The following ARPP21 variants were observed in gnomAD, a reference collection of about 807,000 sequenced individuals.
ARPP21 encodes the protein cAMP regulated phosphoprotein 21.
A neutral mutation model predicts 113.2 loss-of-function variants in ARPP21; 69 were observed. The ratio of observed to expected loss-of-function variants is 0.61; its 90% CI spans 0.50 to 0.74. The LOEUF is 0.74. Among genes scored for constraint, ARPP21 ranks in the 30% least tolerant of loss-of-function variants. The probability of loss-of-function intolerance (pLI) is 0.00; values close to 1 mark genes in which losing one functional copy is unlikely to be tolerated. For synonymous variants in ARPP21, 368 were observed against 375.5 expected, an observed-to-expected ratio of 0.98 and a Z score of 0.23; for missense variants, 1,070 against 1,037.4, an observed-to-expected ratio of 1.03 and a Z score of -0.43.
At chr3:35,736,921 T>G (rs2094390155) in intron 15 of ARPP21, among the ~76,000 whole-genome samples, 1 of 152,212 alleles carries the variant, frequency 6.6e-6, no homozygotes, top group Non-Finnish European at 1.5e-5. Context: ...CAGATACATT[T>G]AGCTTTGGCA....
intron 1 of ARPP21, among the ~76,000 whole-genome samples, chr3:35,678,525 A>G (rs1038880581): frequency 6.6e-6 from 1 of 151,966 alleles, no homozygotes; most frequent in Non-Finnish European, 1.5e-5. Context: ...TCCTAAATGC[A>G]TGTCTAGCTC....
rs547625607 is a variant in ARPP21, at chr3:35,746,477, A to G, written c.2137+2512A>G. ...TAACTGTATAAGTTATATTTTCTGG[A>G]AGAACTAGAAAATAAGACTTCTCCA... is the stretch of plus-strand genomic sequence containing the variant. On this transcript the variant is annotated intron_variant, in intron 19 of 20. Coordinates refer to ENST00000684406, the MANE Select transcript of ARPP21 (RefSeq NM_001385562.1). Among the ~76,000 whole-genome samples, 22 of 152,292 alleles carry G rather than the reference A, an allele frequency of 1.4e-4. No individual in the cohort carries two copies. The South Asian group carries it at 4.6e-3, about 32-fold the overall frequency.
At chr3:35,676,208 G>T (rs1369535636) in intron 1 of ARPP21, among the ~76,000 whole-genome samples, 1 of 151,882 alleles carries the variant, frequency 6.6e-6, no homozygotes, top group Non-Finnish European at 1.5e-5. Context: ...ATTGACAACA[G>T]ACTTTCCTTA....
At chr3:35,641,522 T>G (rs1698081083) in intron 1 of ARPP21, 1 of 140,418 alleles carries the variant, frequency 7.1e-6, no homozygotes, top group Non-Finnish European at 1.6e-5. Flanking sequence ...TATCTTAAGA[T>G]TTTAGTTAAT....
At chr3:35,762,259 G>A (rs934150823) in intron 19 of ARPP21, among the ~76,000 whole-genome samples, 2 of 151,940 alleles carry the variant, frequency 1.3e-5, no homozygotes, top group African/African-American at 4.8e-5. Context: ...GAGATATTCT[G>A]TGGTAAAAAT....
At chr3:35,750,494 A>T (rs1054645640) in intron 19 of ARPP21, among the ~76,000 whole-genome samples, 1 of 152,144 alleles carries the variant, frequency 6.6e-6, no homozygotes, top group Non-Finnish European at 1.5e-5. Flanking sequence ...GAAATAGCCT[A>T]TTTAGTTGAA....
At chr3:35,680,347 T>C (rs2149444645) in intron 2 of ARPP21, among the ~76,000 whole-genome samples, 1 of 152,018 alleles carries the variant, frequency 6.6e-6, no homozygotes, top group Middle Eastern at 3.4e-3. Flanking sequence ...AAAACCTGAA[T>C]GCATTGCTTA....
chr3:35,648,251 T>G (rs1375983963), intron 1 of ARPP21, among the ~76,000 whole-genome samples: 1 of 152,196 alleles, frequency 6.6e-6, no homozygotes, highest in Non-Finnish European at 1.5e-5. Flanking sequence ...CTAATTCAGT[T>G]GTCTAAAATG....
intron 5 of ARPP21, chr3:35,685,373 TGAG>T (rs2080245638): frequency 1.0e-6 from 1 of 985,204 alleles, no homozygotes. Flanking sequence ...TTGGATTGGC[TGAG>T]GAGTGGTGGG....
chr3:35,659,055 A>T (rs1334192689), intron 1 of ARPP21, among the ~76,000 whole-genome samples: 1 of 152,270 alleles, frequency 6.6e-6, no homozygotes, highest in African/African-American at 2.4e-5. Flanking sequence ...CACAGCGGGA[A>T]CCCCACACAG....
At chr3:35,702,129 C>T (rs376869276) in intron 9 of ARPP21, among the ~76,000 whole-genome samples, 31 of 151,514 alleles carry the variant, frequency 2.0e-4, no homozygotes, top group African/African-American at 5.3e-4. Context: ...TCTGTTATCC[C>T]GCCATCAGAC....
chr3:35,684,177 G>A, intron 5 of ARPP21: 2 of 1,371,916 alleles, frequency 1.5e-6, no homozygotes, highest in Non-Finnish European at 1.9e-6. Context: ...TTCCTTGTTG[G>A]AGATGTCTTA....
chr3:35,783,431 A>G (rs534008308), intron 19 of ARPP21, among the ~76,000 whole-genome samples: 2 of 150,822 alleles, frequency 1.3e-5, no homozygotes, highest in South Asian at 4.2e-4. Flanking sequence ...TTTTTTTTTA[A>G]TTTCTTTCAC....
intron 9 of ARPP21, among the ~76,000 whole-genome samples, chr3:35,701,066 T>C (rs976181855): frequency 1.3e-5 from 2 of 151,654 alleles, no homozygotes; most frequent in Non-Finnish European, 2.9e-5. Flanking sequence ...TAAATCTTAA[T>C]CATGATTGAG....
At chr3:35,658,090 T>C (rs1208839670) in intron 1 of ARPP21, among the ~76,000 whole-genome samples, 2 of 152,128 alleles carry the variant, frequency 1.3e-5, no homozygotes, top group Non-Finnish European at 2.9e-5. Flanking sequence ...AGTTTTTACA[T>C]GGTTTGGCAT....
rs183905082 is a variant in ARPP21 at position 35,690,792 on chromosome 3, G to A, written c.546-73G>A. The A allele has an allele frequency of 3.8e-4, 524 of 1,383,096 alleles. 2 individuals carry two copies. In the African/African-American group the frequency reaches 7.0e-3, roughly 18 times the overall value. The allele number at this position is 1,383,096 out of a possible 1,614,324, so 85.7% of individuals were successfully genotyped here. A position where few individuals can be genotyped will look rare whatever the true frequency, so the allele number is the denominator to read the frequency against. On this transcript the variant is annotated intron_variant, in intron 8 of 20. Transcript: ENST00000684406. ...AGATGAAGAAGAAATAGTTTTGTGT[G>A]TATACTTGTAAAAAGGTATTATGGG...
chr3:35,639,217 G>C (rs1314117910), upstream of ARPP21, among the ~76,000 whole-genome samples: 2 of 152,110 alleles, frequency 1.3e-5, no homozygotes, highest in Non-Finnish European at 2.9e-5. This position sits in a 1 kb window ranked among gnomAD's most constrained non-coding sequence, Gnocchi z 5.0. Context: ...AACGGCCCAG[G>C]GAATGAGTGG....
At position 35,739,375 on chromosome 3, in the gene ARPP21, A is replaced by C; in HGVS notation, c.1808A>C (p.Glu603Ala). 1 of 1,613,934 alleles carries C rather than the reference A, an allele frequency of 6.2e-7. No homozygotes were observed. The highest frequency in any genetic ancestry group is 8.5e-7 in the Non-Finnish European group (1 of 1,179,988). Residue 603 changes from glutamate (E) to alanine (A), a missense_variant, in exon 18 of 21, where the codon GAG becomes GCG. Transcript: ENST00000684406. ...QMTLSRQSSG[E>A]TPEPPSGPVY... ...ACCCTGAGCCGGCAGTCCTCGGGGG[A>C]GACTCCTGAACCCCCATCAGGTCCT...
chr3:35,753,630 G>C (rs2095475685), intron 19 of ARPP21, among the ~76,000 whole-genome samples: 1 of 151,920 alleles, frequency 6.6e-6, no homozygotes, highest in South Asian at 2.1e-4. Context: ...GATTATCTGT[G>C]GAACATGTAT....
Sources: gnomAD v4.1 joint callset for allele counts (sites outside exome capture counted in the v4.1 genomes callset) on GRCh38, gnomAD v4.1.1 for gene constraint, Gnocchi (gnomAD v3.1) non-coding constraint, MANE v1.5 for transcripts, NCBI Gene and HGNC (gene_info 2026-07-23, HGNC 2026-07-21) for gene names.